KLHL6: variants seen among roughly 807,000 people sequenced by gnomAD.
The protein encoded by KLHL6 is kelch-like protein 6.
KLHL6 carries 41 observed loss-of-function variants against 58.6 expected under a neutral mutation model. That is an observed-to-expected ratio of 0.70 (90% CI 0.55 to 0.91). The LOEUF (loss-of-function observed/expected upper bound fraction) is 0.91, where lower values mean the gene tolerates loss of function less well. Ranked by LOEUF, KLHL6 falls within the 40% of genes least tolerant of loss-of-function variation. KLHL6 has a pLI of 0.00. For missense variants in KLHL6, 714 were observed against 805.6 expected, an observed-to-expected ratio of 0.89 and a Z score of 1.38; for synonymous variants, 338 against 322.7, an observed-to-expected ratio of 1.05 and a Z score of -0.51.
At chr3:183,525,188 C>T (rs567516995) in intron 2 of KLHL6, among the ~76,000 whole-genome samples, 3 of 151,728 alleles carry the variant, frequency 2.0e-5, no homozygotes, top group South Asian at 2.1e-4. Flanking sequence ...CACTTGAACC[C>T]GGGAGGCGGA....
intron 2 of KLHL6, among the ~76,000 whole-genome samples, chr3:183,527,594 C>T (rs1712017852): frequency 6.6e-6 from 1 of 152,140 alleles, no homozygotes; most frequent in Non-Finnish European, 1.5e-5. Flanking sequence ...GCTCCCCTGG[C>T]TTCATCTTAT....
Position 183,492,307 on chromosome 3 carries a change from C to A in KLHL6, c.1565-79G>T. 2 of 1,388,442 alleles carry A rather than the reference C, an allele frequency of 1.4e-6. No individual in the cohort carries two copies. The highest frequency in any genetic ancestry group is 1.9e-6 in the Non-Finnish European group (2 of 1,029,316). The allele number at this position is 1,388,442 out of a possible 1,614,324, so 86.0% of individuals were successfully genotyped here. On this transcript the variant is annotated intron_variant, in intron 6 of 6. Coordinates refer to ENST00000341319, the MANE Select transcript of KLHL6 (RefSeq NM_130446.4). This position sits in a 1 kb window ranked among gnomAD's most constrained non-coding sequence, Gnocchi z 5.9. ...CCTCTTAACCACTAAAATTCAACTT[C>A]TGATTAGGCCAAGTCTACCCTCTTG...
chr3:183,548,670 G>A (rs1310818870), intron 1 of KLHL6: 4 of 152,180 alleles, frequency 2.6e-5, no homozygotes, highest in Non-Finnish European at 5.9e-5. Flanking sequence ...GAAAAGTGGG[G>A]CAAGAGACTA....
intron 3 of KLHL6, among the ~76,000 whole-genome samples, chr3:183,501,201 G>A (rs1483073547): frequency 2.0e-5 from 3 of 152,194 alleles, no homozygotes; most frequent in African/African-American, 7.2e-5. Flanking sequence ...AAGGGTGAAG[G>A]GGTGGGCCAG....
intron 2 of KLHL6, chr3:183,522,795 AG>A (rs1157465839): frequency 6.6e-6 from 1 of 152,086 alleles, no homozygotes; most frequent in African/African-American, 2.4e-5. Context: ...AGTCTTGGGC[AG>A]TTTTTTGTTT....
At chr3:183,512,468 T>C (rs1307164971) in intron 2 of KLHL6, among the ~76,000 whole-genome samples, 1 of 152,088 alleles carries the variant, frequency 6.6e-6, no homozygotes, top group Non-Finnish European at 1.5e-5. Context: ...GAAAAGCACT[T>C]CACAAATCAT....
In KLHL6 at chr3:183,494,290, G is replaced by A. The variant is rs749848772; in HGVS notation, c.1148-9C>T. On this transcript the variant is annotated splice_polypyrimidine_tract_variant and intron_variant, in intron 4 of 6. Coordinates refer to ENST00000341319, the MANE Select transcript of KLHL6 (RefSeq NM_130446.4). ...CTGTGTTTCTTTGCCACCTGCAAGAGATACAAAGCATTTAAGAAACCATCA... is the reference window on the plus strand; with the variant it reads ...CTGTGTTTCTTTGCCACCTGCAAGAAATACAAAGCATTTAAGAAACCATCA... 2 of 1,603,076 alleles carry A rather than the reference G, an allele frequency of 1.2e-6. No homozygotes were observed. Among genetic ancestry groups the A allele is most frequent in the South Asian group, 2.2e-5 (2 of 90,792 alleles).
At chr3:183,534,132 G>GTACTTTACTTAAGTACTTTAAAAGTACTT (rs748791340) in intron 1 of KLHL6, among the ~76,000 whole-genome samples, 1 of 16,064 alleles carries the variant, frequency 6.2e-5, no homozygotes, top group East Asian at 2.0e-3. Flanking sequence ...AAAGTACTTT[G>GTACTTTACTTAAGTACTTTAAAAGTACTT]TACTTTTAAA....
intron 2 of KLHL6, among the ~76,000 whole-genome samples, chr3:183,517,836 G>A (rs1011597954): frequency 6.6e-6 from 1 of 152,196 alleles, no homozygotes; most frequent in African/African-American, 2.4e-5. Context: ...TAAAGATTAA[G>A]TAGAATGATT....
At chr3:183,500,824 CA>C (rs1717848142) in intron 3 of KLHL6, among the ~76,000 whole-genome samples, 1 of 152,160 alleles carries the variant, frequency 6.6e-6, no homozygotes, top group African/African-American at 2.4e-5. Flanking sequence ...AATTTTCCCG[CA>C]AAATTAGACT....
intron 1 of KLHL6, among the ~76,000 whole-genome samples, chr3:183,541,368 T>C (rs1011457590): frequency 1.3e-5 from 2 of 152,170 alleles, no homozygotes; most frequent in African/African-American, 4.8e-5. Context: ...GTTATGAATC[T>C]AGACGTGAAG....
At chr3:183,528,876 A>T (rs528962326) in intron 1 of KLHL6, among the ~76,000 whole-genome samples, 1 of 152,322 alleles carries the variant, frequency 6.6e-6, no homozygotes, top group African/African-American at 2.4e-5. Flanking sequence ...TATTCGCAAT[A>T]GCAAAGACAT....
intron 1 of KLHL6, among the ~76,000 whole-genome samples, chr3:183,544,163 CAAAAAAA>C (rs56357226): frequency 3.5e-5 from 2 of 56,998 alleles, no homozygotes; most frequent in East Asian, 1.4e-3. Flanking sequence ...AACTCAGTCT[CAAAAAAA>C]AAAAAAAAAA....
intron 2 of KLHL6, chr3:183,521,806 A>G (rs62287217): frequency 0.52 from 75,907 of 145,944 alleles, 20,063 homozygotes; most frequent in Non-Finnish European, 0.59. Context: ...CGATTCTCCC[A>G]CCTCAGCCTC....
chr3:183,532,278 G>A (rs1000248480), intron 1 of KLHL6, among the ~76,000 whole-genome samples: 2 of 152,222 alleles, frequency 1.3e-5, no homozygotes, highest in Non-Finnish European at 2.9e-5. Context: ...CAGTGAGAAG[G>A]TGGCCGTCTG....
intron 2 of KLHL6, among the ~76,000 whole-genome samples, 177 bp from the exon 3 acceptor site, chr3:183,508,685 A>G (rs1718093407): frequency 6.6e-6 from 1 of 152,216 alleles, no homozygotes; most frequent in Non-Finnish European, 1.5e-5. Context: ...TGAGATACTT[A>G]CTGGACGAGC....
chr3:183,531,097 G>C (rs1712141468), intron 1 of KLHL6, among the ~76,000 whole-genome samples: 1 of 152,066 alleles, frequency 6.6e-6, no homozygotes, highest in Non-Finnish European at 1.5e-5. Context: ...GCCTCCCAAA[G>C]TACTGGGATT....
intron 1 of KLHL6, among the ~76,000 whole-genome samples, chr3:183,541,242 G>A (rs534281371): frequency 6.6e-6 from 1 of 152,276 alleles, no homozygotes; most frequent in South Asian, 2.1e-4. Context: ...TGCTCCCTCC[G>A]CCAGCTGCCA....
At position 183,492,252 on chromosome 3, in the gene KLHL6, T is replaced by C; in HGVS notation, c.1565-24A>G. On this transcript the variant is annotated intron_variant, in intron 6 of 6. Coordinates refer to ENST00000341319, the MANE Select transcript of KLHL6 (RefSeq NM_130446.4). This position sits in a 1 kb window ranked among gnomAD's most constrained non-coding sequence, Gnocchi z 5.9. ...ACCTGAGGAGAGGGAGGAAACACGG[T>C]GGGCATCGCTCCATTTTTCTGGTTT... 1.9e-6 allele frequency: 3 copies of C among 1,553,006 alleles called. No individual in the cohort carries two copies. Among genetic ancestry groups the C allele is most frequent in the East Asian group, 2.3e-5 (1 of 43,772 alleles).
Sources: gnomAD v4.1 joint callset for allele counts (sites outside exome capture counted in the v4.1 genomes callset) on GRCh38, gnomAD v4.1.1 for gene constraint, Gnocchi (gnomAD v3.1) non-coding constraint, MANE v1.5 for transcripts, NCBI Gene and HGNC (gene_info 2026-07-23, HGNC 2026-07-21) for gene names.